Variants in FSTL5 observed in about 807,000 individuals in gnomAD.
FSTL5 encodes the protein follistatin-related protein 5.
FSTL5 carries 62 observed loss-of-function variants against 89.1 expected under a neutral mutation model. That is an observed-to-expected ratio of 0.70 (90% CI 0.57 to 0.86). The LOEUF (loss-of-function observed/expected upper bound fraction) is 0.86, where lower values mean the gene tolerates loss of function less well. FSTL5 is among the 40% of genes least tolerant of loss of function. FSTL5 has a pLI of 0.00. For missense variants in FSTL5, 1,057 were observed against 1,001.6 expected (o/e 1.06, Z -0.75); for synonymous variants, 383 against 346.2 (o/e 1.11, Z -1.18).
chr4:161,821,840 C>T (rs1730505693), intron 4 of FSTL5, among the ~76,000 whole-genome samples: 1 of 152,030 alleles, frequency 6.6e-6, no homozygotes, highest in Non-Finnish European at 1.5e-5. Flanking sequence ...GATTGATGAG[C>T]ATTTGAGCTG....
chr4:161,827,606 C>G (rs1015615927), intron 4 of FSTL5, among the ~76,000 whole-genome samples: 3 of 152,164 alleles, frequency 2.0e-5, no homozygotes, highest in Admixed American at 1.3e-4. Flanking sequence ...AGCTCAGACT[C>G]TCCTTGGGCA....
intron 1 of FSTL5, among the ~76,000 whole-genome samples, chr4:162,121,020 A>G (rs1731836741): frequency 6.6e-6 from 1 of 151,928 alleles, no homozygotes; most frequent in South Asian, 2.1e-4. Flanking sequence ...GTATGCTTAT[A>G]TATAGTTATG....
chr4:161,796,680 A>C (rs545382998), intron 4 of FSTL5, among the ~76,000 whole-genome samples: 3 of 151,570 alleles, frequency 2.0e-5, no homozygotes, highest in African/African-American at 7.2e-5. Context: ...TCTATTAACC[A>C]GTTCGAAATG....
intron 4 of FSTL5, among the ~76,000 whole-genome samples, chr4:161,779,775 GTATATATATATATATA>G (rs869254842): frequency 7.9e-5 from 2 of 25,426 alleles, no homozygotes; most frequent in African/African-American, 4.1e-4. Context: ...ATATATATAT[GTATATATATATATATA>G]TATATATATA....
chr4:161,550,672 C>A (rs867769942), intron 8 of FSTL5, among the ~76,000 whole-genome samples: 2 of 151,468 alleles, frequency 1.3e-5, no homozygotes, highest in African/African-American at 4.8e-5. Context: ...CATGCTGGTG[C>A]GCTGCACCCA....
At chr4:161,410,827 G>GA (rs70937645) in intron 15 of FSTL5, among the ~76,000 whole-genome samples, 17,388 of 147,108 alleles carry the variant, frequency 0.12, 1,079 homozygotes, top group Admixed American at 0.13. Flanking sequence ...GAAGAAAAAA[G>GA]AAAAAAACAA....
chr4:161,660,851 C>T (rs1313633708), intron 6 of FSTL5, among the ~76,000 whole-genome samples: 1 of 152,100 alleles, frequency 6.6e-6, no homozygotes, highest in Admixed American at 6.6e-5. Flanking sequence ...ATACGTACCA[C>T]ATTTTGTTTA....
intron 2 of FSTL5, among the ~76,000 whole-genome samples, chr4:162,111,070 G>C (rs917781855): frequency 6.6e-6 from 1 of 151,862 alleles, no homozygotes; most frequent in Non-Finnish European, 1.5e-5. Flanking sequence ...TCTATTCTTT[G>C]TCAAGAAGTA....
chr4:161,461,288 C>CAAAA lies in FSTL5; in HGVS notation c.1609-1973_1609-1970dup, dbSNP rs781313697. Among the ~76,000 whole-genome samples the CAAAA allele has an allele frequency of 4.1e-3, 296 of 72,628 alleles. 15 individuals are homozygous for CAAAA. Among genetic ancestry groups the CAAAA allele is most frequent in the African/African-American group, 0.018 (263 of 14,886 alleles). The allele number at this position is 72,628 out of a possible 152,430, so 47.6% of individuals were successfully genotyped here. On this transcript the variant is annotated intron_variant, in intron 13 of 15. Transcript: ENST00000306100. The stretch of plus-strand genomic sequence containing the variant: ...CGAAACCCCGTCTCTACTAAAAATA[C>CAAAA]AAAAAAAACAAACAAACAAAAAAAT...
At chr4:161,793,323 C>T (rs148497082) in intron 4 of FSTL5, among the ~76,000 whole-genome samples, 1 of 152,266 alleles carries the variant, frequency 6.6e-6, no homozygotes, top group East Asian at 1.9e-4. Flanking sequence ...CTAGCAGGCC[C>T]GAGCAAACCA....
intron 14 of FSTL5, among the ~76,000 whole-genome samples, chr4:161,457,065 C>T (rs1733378929): frequency 6.6e-6 from 1 of 152,148 alleles, no homozygotes; most frequent in African/African-American, 2.4e-5. Context: ...CTCCACGTGA[C>T]CCAAAGTTGA....
chr4:161,664,927 A>G, intron 6 of FSTL5: 1 of 188,180 alleles, frequency 5.3e-6, no homozygotes, highest in Non-Finnish European at 1.0e-5. Flanking sequence ...CCCCAGACAA[A>G]CCCGTCAGAT....
chr4:162,050,881 G>T (rs1357130626), intron 2 of FSTL5, among the ~76,000 whole-genome samples: 1 of 151,278 alleles, frequency 6.6e-6, no homozygotes, highest in Non-Finnish European at 1.5e-5. Context: ...AAGAAATTAG[G>T]CCTATAAAAT....
intron 6 of FSTL5, among the ~76,000 whole-genome samples, chr4:161,708,223 G>A (rs1340784464): frequency 1.3e-5 from 2 of 151,716 alleles, no homozygotes; most frequent in African/African-American, 2.4e-5. Context: ...TTTCACCTTC[G>A]TTTGTTTCAG....
At chr4:161,708,843 A>G (rs2126737581) in intron 6 of FSTL5, among the ~76,000 whole-genome samples, 1 of 152,312 alleles carries the variant, frequency 6.6e-6, no homozygotes, top group Middle Eastern at 3.4e-3. Context: ...TGTTTGGGGT[A>G]TTTATTCTAA....
intron 6 of FSTL5, among the ~76,000 whole-genome samples, chr4:161,656,834 T>C (rs1373982278): frequency 6.6e-6 from 1 of 152,162 alleles, no homozygotes; most frequent in African/African-American, 2.4e-5. Flanking sequence ...GAAATAAAAA[T>C]GATGCTGTTT....
chr4:161,709,738 G>C (rs770465167), intron 6 of FSTL5, among the ~76,000 whole-genome samples: 20 of 152,060 alleles, frequency 1.3e-4, no homozygotes, highest in Non-Finnish European at 2.5e-4. Context: ...TGAGGCTTCA[G>C]TGAGCCATGA....
chr4:161,483,831 G>T (rs1729595679), intron 12 of FSTL5, among the ~76,000 whole-genome samples: 1 of 152,010 alleles, frequency 6.6e-6, no homozygotes, highest in African/African-American at 2.4e-5. Flanking sequence ...TTATATCAAA[G>T]AGTATTATTA....
intron 15 of FSTL5, among the ~76,000 whole-genome samples, chr4:161,434,854 A>T (rs190091551): frequency 6.6e-6 from 1 of 152,128 alleles, no homozygotes; most frequent in African/African-American, 2.4e-5. Flanking sequence ...GAGAAACGCA[A>T]ATCAACACTG....
Sources: gnomAD v4.1 joint callset for allele counts (sites outside exome capture counted in the v4.1 genomes callset) on GRCh38, gnomAD v4.1.1 for gene constraint, MANE v1.5 for transcripts, NCBI Gene and HGNC (gene_info 2026-07-23, HGNC 2026-07-21) for gene names.